Variants in ARRB1 observed in about 807,000 individuals in gnomAD.
The protein encoded by ARRB1 is beta-arrestin-1.
A neutral mutation model predicts 56.8 loss-of-function variants in ARRB1; 21 were observed. The observed-to-expected ratio is 0.37, with a 90% CI of 0.26 to 0.53. The LOEUF is 0.53. Ranked by LOEUF, ARRB1 falls within the 20% of genes least tolerant of loss-of-function variation. ARRB1 has a pLI of 0.88. For missense variants in ARRB1, 424 were observed against 553.7 expected (o/e 0.77, Z 2.35); for synonymous variants, 210 against 218.6 (o/e 0.96, Z 0.35).
intron 1 of ARRB1, among the ~76,000 whole-genome samples, chr11:75,299,344 AC>A (rs1946840820): frequency 6.6e-6 from 1 of 151,976 alleles, no homozygotes; most frequent in Non-Finnish European, 1.5e-5. Context: ...GCTTCTTTAT[AC>A]CTATAATTTT....
intron 1 of ARRB1, among the ~76,000 whole-genome samples, chr11:75,332,711 A>G (rs1406029638): frequency 6.6e-6 from 1 of 152,166 alleles, no homozygotes; most frequent in East Asian, 1.9e-4. Flanking sequence ...CCTGGCCAAT[A>G]TGGTGAAACC....
chr11:75,304,120 C>T (rs756123912), intron 1 of ARRB1, among the ~76,000 whole-genome samples: 2 of 152,146 alleles, frequency 1.3e-5, no homozygotes, highest in African/African-American at 2.4e-5. Flanking sequence ...ATTATTTTCC[C>T]AGCGGAAAGA....
At position 75,287,231 on chromosome 11, in the gene ARRB1, C is replaced by G. The variant is rs546752968; in HGVS notation, c.112+84G>C. 34 of 1,427,404 alleles carry G rather than the reference C, an allele frequency of 2.4e-5. No individual in the cohort carries two copies. The African/African-American group carries it at 3.7e-4, about 16-fold the overall frequency. The allele number at this position is 1,427,404 out of a possible 1,614,324, so 88.4% of individuals were successfully genotyped here. A position where few individuals can be genotyped will look rare whatever the true frequency, so the allele number is the denominator to read the frequency against. On this transcript the variant is annotated intron_variant, in intron 3 of 15. Transcript: ENST00000420843. ...TCACCCCCGTTCTTGGCACCGGGCC[C>G]CTCTGGAGAGCTGAGAGCTATTTCT...
chr11:75,298,862 G>A (rs1946826641), intron 1 of ARRB1, among the ~76,000 whole-genome samples: 1 of 151,750 alleles, frequency 6.6e-6, no homozygotes, highest in Non-Finnish European at 1.5e-5. Context: ...AAAATGGGAT[G>A]AAGTACTGAT....
chr11:75,281,771 C>G, intron 6 of ARRB1, 191 bp downstream of exon 6: 1 of 616,260 alleles, frequency 1.6e-6, no homozygotes, highest in Admixed American at 2.9e-5. Flanking sequence ...GAGAGTGAGG[C>G]TGACCCCGTA....
intron 1 of ARRB1, among the ~76,000 whole-genome samples, chr11:75,301,521 G>A (rs1453849632): frequency 1.3e-5 from 2 of 152,216 alleles, no homozygotes. Context: ...TGACTGGCCA[G>A]GGCCATATTT....
intron 1 of ARRB1, among the ~76,000 whole-genome samples, chr11:75,305,868 C>T (rs958603748): frequency 1.3e-5 from 2 of 152,126 alleles, no homozygotes; most frequent in South Asian, 2.1e-4. Context: ...AGCATATAAC[C>T]GACTAAACAT....
At chr11:75,312,292 C>A in intron 1 of ARRB1, 1 of 533,268 alleles carries the variant, frequency 1.9e-6, no homozygotes. Flanking sequence ...AGGGACAGGG[C>A]TCAAGTCTGC....
chr11:75,276,772 G>T, intron 10 of ARRB1, 67 bp downstream of exon 10: 1 of 1,534,344 alleles, frequency 6.5e-7, no homozygotes. Flanking sequence ...CCTGTAACAG[G>T]ACACCTAGAG....
Position 75,269,307 on chromosome 11 carries a change from C to A in ARRB1, c.1023-348G>T, listed in dbSNP as rs35615112. 2.3e-4 allele frequency: 99 copies of A among 435,302 alleles called. 1 individual carries two copies. The highest frequency in any genetic ancestry group is 2.1e-3 in the Admixed American group (67 of 31,268). The allele number at this position is 435,302 out of a possible 1,614,324, so 27.0% of individuals were successfully genotyped here. A position where few individuals can be genotyped will look rare whatever the true frequency, so the allele number is the denominator to read the frequency against. Reference sequence around the variant, plus strand: ...CCAGAGGTGCCCTGGGACCCCCCCCCACCTCAAATCGCCACAGCCACCCTC... The same window carrying A: ...CCAGAGGTGCCCTGGGACCCCCCCCAACCTCAAATCGCCACAGCCACCCTC... On this transcript the variant is annotated intron_variant, in intron 13 of 15. Coordinates refer to ENST00000420843, the MANE Select transcript of ARRB1 (RefSeq NM_004041.5).
chr11:75,306,546 G>A lies in ARRB1; in HGVS notation c.21-16507C>T, dbSNP rs1015270905. On this transcript the variant is annotated intron_variant, in intron 1 of 15. Coordinates refer to ENST00000420843, the MANE Select transcript of ARRB1 (RefSeq NM_004041.5). ...AACTTCCTGGTGAGTCAGATAGAAA[G>A]TCTTACCCCATTTTACAGATGAGAG... is the stretch of plus-strand genomic sequence containing the variant. 10 of 1,221,770 alleles carry A rather than the reference G, an allele frequency of 8.2e-6. No individual in the cohort carries two copies. In the African/African-American group the frequency reaches 1.4e-4, roughly 17 times the overall value. The allele number at this position is 1,221,770 out of a possible 1,614,324, so 75.7% of individuals were successfully genotyped here.
At chr11:75,342,878 A>G (rs992048598) in intron 1 of ARRB1, among the ~76,000 whole-genome samples, 2 of 152,184 alleles carry the variant, frequency 1.3e-5, no homozygotes, top group South Asian at 4.1e-4. Context: ...TACAGTCTTC[A>G]AGCAAGGTAA....
chr11:75,280,149 C>T (rs777006088), intron 7 of ARRB1, among the ~76,000 whole-genome samples: 10 of 152,124 alleles, frequency 6.6e-5, no homozygotes, highest in Non-Finnish European at 8.8e-5. Flanking sequence ...GGGTGGCTCT[C>T]GATGTCACCT....
chr11:75,331,363 G>A (rs1352534793), intron 1 of ARRB1, among the ~76,000 whole-genome samples: 1 of 152,004 alleles, frequency 6.6e-6, no homozygotes, highest in East Asian at 1.9e-4. Flanking sequence ...GGGGTCTGGG[G>A]AGTCATCTTC....
In ARRB1 at chr11:75,261,900, A is replaced by AT. The variant is rs1398117470; in HGVS notation, c.*4262dup. On this transcript the variant is annotated 3_prime_UTR_variant, in exon 16 of 16. Coordinates refer to ENST00000420843, the MANE Select transcript of ARRB1 (RefSeq NM_004041.5). ...CATAGGCCTATGTCCATGAGACCCT[A>AT]TAAGAGTGTAAGACTGGGACCTAAC... 1 of 152,226 alleles carries AT rather than the reference A, an allele frequency of 6.6e-6. No homozygotes were observed. The highest frequency in any genetic ancestry group is 1.5e-5 in the Non-Finnish European group (1 of 68,032). The allele number at this position is 152,226 out of a possible 1,614,324, so 9.4% of individuals were successfully genotyped here.
chr11:75,324,227 C>T (rs1378527008), intron 1 of ARRB1, among the ~76,000 whole-genome samples: 1 of 152,206 alleles, frequency 6.6e-6, no homozygotes, highest in Non-Finnish European at 1.5e-5. Flanking sequence ...TGTGCCCGCG[C>T]CCTCCCCCCA....
intron 15 of ARRB1, 151 bp downstream of exon 15, chr11:75,267,501 G>C (rs1030526697): frequency 1.4e-6 from 1 of 730,316 alleles, no homozygotes; most frequent in African/African-American, 1.7e-5. Flanking sequence ...CAGGCAAGCG[G>C]GTTGCTGAAG....
chr11:75,266,822 T>G (rs532936833), intron 15 of ARRB1, among the ~76,000 whole-genome samples: 6 of 152,286 alleles, frequency 3.9e-5, no homozygotes, highest in African/African-American at 1.4e-4. Flanking sequence ...CAGCTCAGAT[T>G]CTACCTTGGG....
intron 1 of ARRB1, among the ~76,000 whole-genome samples, chr11:75,305,876 C>T (rs1000444124): frequency 1.3e-5 from 2 of 152,202 alleles, no homozygotes; most frequent in African/African-American, 4.8e-5. Context: ...ACCGACTAAA[C>T]ATGCACCCCA....
Sources: gnomAD v4.1 joint callset for allele counts (sites outside exome capture counted in the v4.1 genomes callset) on GRCh38, gnomAD v4.1.1 for gene constraint, MANE v1.5 for transcripts, NCBI Gene and HGNC (gene_info 2026-07-23, HGNC 2026-07-21) for gene names.